Variants in SLC2A2 observed in about 807,000 individuals in gnomAD.
SLC2A2 encodes solute carrier family 2, facilitated glucose transporter member 2.
Under a neutral mutation model 54.5 loss-of-function variants are expected in SLC2A2, and 36 were observed. The observed-to-expected ratio is 0.66, with a 90% CI of 0.51 to 0.87. The LOEUF is 0.87. Ranked by LOEUF, SLC2A2 falls within the 40% of genes least tolerant of loss-of-function variation. SLC2A2 has a pLI of 0.00. For synonymous variants in SLC2A2, 223 were observed against 219.1 expected (o/e 1.02, Z -0.16); for missense variants, 543 against 624.3 (o/e 0.87, Z 1.39).
At chr3:171,015,401 G>A (rs777530533) in intron 2 of SLC2A2, among the ~76,000 whole-genome samples, 2 of 152,126 alleles carry the variant, frequency 1.3e-5, no homozygotes, top group Non-Finnish European at 2.9e-5. Flanking sequence ...GAGCCTGCGA[G>A]GTTGAGGCTG....
chr3:171,003,805 T>C (rs1327458261), intron 7 of SLC2A2, among the ~76,000 whole-genome samples: 1 of 152,022 alleles, frequency 6.6e-6, no homozygotes, highest in African/African-American at 2.4e-5. Context: ...GACCATGGTG[T>C]AGGCATGTGC....
intron 4 of SLC2A2, among the ~76,000 whole-genome samples, chr3:171,009,255 G>T (rs900896970): frequency 1.3e-5 from 2 of 152,110 alleles, no homozygotes; most frequent in Admixed American, 6.6e-5. Context: ...CCAAGAACTA[G>T]CGATTCCCAC....
intron 1 of SLC2A2, among the ~76,000 whole-genome samples, chr3:171,022,374 T>G (rs2108265905): frequency 6.6e-6 from 1 of 152,334 alleles, no homozygotes; most frequent in Non-Finnish European, 1.5e-5. Context: ...TGTGGGTGTT[T>G]AGCTGTTTGG....
At position 171,010,024 on chromosome 3, in the gene SLC2A2, A is replaced by ACCCC; in HGVS notation, c.426_429dup (p.Phe144GlyfsTer36). The stretch of plus-strand genomic sequence containing the variant: ...ATATGAGATGGTCCCAATTTTGAAA[A>ACCCC]CCCCATCAAGAGAGCTCCAACTAAT... On this transcript the variant is annotated frameshift_variant, in exon 4 of 11. Transcript: ENST00000314251. LOFTEE classifies it high-confidence loss of function. 1 of 1,612,008 alleles carries ACCCC rather than the reference A, an allele frequency of 6.2e-7. No individual in the cohort carries two copies. The highest frequency in any genetic ancestry group is 8.5e-7 in the Non-Finnish European group (1 of 1,179,202).
intron 2 of SLC2A2, among the ~76,000 whole-genome samples, chr3:171,016,214 C>T (rs1479952015): frequency 6.6e-6 from 1 of 152,186 alleles, no homozygotes; most frequent in African/African-American, 2.4e-5. Flanking sequence ...GTGGGCAGAT[C>T]ACTTGAGGTC....
At chr3:170,998,768 T>C (rs1342616857) in intron 9 of SLC2A2, among the ~76,000 whole-genome samples, 1 of 152,168 alleles carries the variant, frequency 6.6e-6, no homozygotes, top group East Asian at 1.9e-4. Context: ...GGAAGCCATG[T>C]GGCAGAGTCA....
At chr3:171,026,416 A>AT (rs1322264722) in intron 1 of SLC2A2, among the ~76,000 whole-genome samples, 2 of 122,606 alleles carry the variant, frequency 1.6e-5, no homozygotes, top group East Asian at 4.9e-4. Flanking sequence ...TTTCTTTAGT[A>AT]ATATGGTTAT....
intron 9 of SLC2A2, 28 bp from the exon 10 acceptor site, chr3:170,998,424 G>T (rs1715197371): frequency 1.3e-6 from 2 of 1,585,454 alleles, no homozygotes; most frequent in South Asian, 2.2e-5. Flanking sequence ...AACAATAGTG[G>T]GACTGAGATC....
chr3:171,012,472 A>G (rs1286148419), intron 3 of SLC2A2, among the ~76,000 whole-genome samples: 1 of 152,206 alleles, frequency 6.6e-6, no homozygotes. Flanking sequence ...TGCACAGACC[A>G]TAGTCTTCTC....
chr3:171,015,304 A>G (rs1451267877), intron 2 of SLC2A2, among the ~76,000 whole-genome samples: 1 of 152,070 alleles, frequency 6.6e-6, no homozygotes, highest in Non-Finnish European at 1.5e-5. Flanking sequence ...CCCTGTCTCT[A>G]CGAAGAATAC....
intron 2 of SLC2A2, among the ~76,000 whole-genome samples, chr3:171,014,983 TA>T (rs1183097193): frequency 6.6e-6 from 1 of 152,172 alleles, no homozygotes. Context: ...ACTAGGGGAC[TA>T]AAATACATTT....
At chr3:171,019,217 C>T (rs912043626) in intron 1 of SLC2A2, among the ~76,000 whole-genome samples, 1 of 149,146 alleles carries the variant, frequency 6.7e-6, no homozygotes, top group Non-Finnish European at 1.5e-5. Flanking sequence ...GGAAGGGAGC[C>T]GCCAAGATAG....
chr3:170,999,087 A>G lies in SLC2A2; in HGVS notation c.1148T>C (p.Met383Thr), dbSNP rs765728439. Reference sequence around the variant, plus strand: ...TACCAGCAGCACAAGTCCCACTGACATGAAGATGGCACAAACAAACATCCC... The same window carrying G: ...TACCAGCAGCACAAGTCCCACTGACGTGAAGATGGCACAAACAAACATCCC... ...MSGMFVCAIF[M>T]SVGLVLLNKF... The change falls in exon 9 of 11, where the codon ATG becomes ACG. Residue 383 changes from methionine to threonine, a missense_variant. Physicochemically the swap from Met to Thr is moderately conservative, Grantham distance 81. Around this residue, in one of 3 missense-constraint regions of SLC2A2, gnomAD observed 117 missense variants for 179.2 expected, o/e 0.65. Coordinates refer to ENST00000314251, the MANE Select transcript of SLC2A2 (RefSeq NM_000340.2). 2 of 1,612,800 alleles carry G rather than the reference A, an allele frequency of 1.2e-6. No individual in the cohort carries two copies. The highest frequency in any genetic ancestry group is 1.7e-6 in the Non-Finnish European group (2 of 1,178,986).
At chr3:171,012,273 G>C (rs796323281) in intron 3 of SLC2A2, among the ~76,000 whole-genome samples, 1 of 152,178 alleles carries the variant, frequency 6.6e-6, no homozygotes, top group Non-Finnish European at 1.5e-5. Context: ...GCAGATGGGA[G>C]GAAAACGTCT....
intron 2 of SLC2A2, among the ~76,000 whole-genome samples, chr3:171,016,739 G>A (rs1716169529): frequency 6.6e-6 from 1 of 152,142 alleles, no homozygotes; most frequent in Admixed American, 6.5e-5. Context: ...CACTAACCTG[G>A]ACGCCAGTAT....
intron 1 of SLC2A2, among the ~76,000 whole-genome samples, chr3:171,019,527 A>G (rs1394343258): frequency 6.6e-6 from 1 of 152,156 alleles, no homozygotes; most frequent in Non-Finnish European, 1.5e-5. Flanking sequence ...TACATGTCTA[A>G]CTATCTTAGA....
At chr3:171,007,338 G>GTA in intron 4 of SLC2A2, 75 bp from the exon 5 acceptor site, 2 of 863,950 alleles carry the variant, frequency 2.3e-6, no homozygotes, top group Non-Finnish European at 3.9e-6. Flanking sequence ...TTTAAGTACA[G>GTA]TATATATCTT....
At chr3:171,015,816 C>CT (rs1264791724) in intron 2 of SLC2A2, among the ~76,000 whole-genome samples, 1 of 152,142 alleles carries the variant, frequency 6.6e-6, no homozygotes, top group Non-Finnish European at 1.5e-5. Flanking sequence ...GAAGTTTCTC[C>CT]TGTGGGTCCT....
Position 171,018,604 on chromosome 3 carries a change from A to G in SLC2A2, c.35T>C (p.Phe12Ser). 1 of 1,613,998 alleles carries G rather than the reference A, an allele frequency of 6.2e-7. No individual in the cohort carries two copies. Among genetic ancestry groups the G allele is most frequent in the Non-Finnish European group, 8.5e-7 (1 of 1,179,852 alleles). Reference protein sequence around the residue: ...TEDKVTGTLVFTVITAVLGSF... With the variant: ...TEDKVTGTLVSTVITAVLGSF... The stretch of plus-strand genomic sequence containing the variant: ...ACCCAGCACAGCAGTGATGACAGTG[A>G]AAACCAGGGTCCCAGTGACCTGCAG... The change falls in exon 2 of 11, where the codon TTC becomes TCC. Residue 12 changes from phenylalanine to serine, a missense_variant. Around this residue, in one of 3 missense-constraint regions of SLC2A2, gnomAD observed 318 missense variants for 343.8 expected, o/e 0.93. Coordinates refer to ENST00000314251, the MANE Select transcript of SLC2A2 (RefSeq NM_000340.2).
Sources: gnomAD v4.1 joint callset for allele counts (sites outside exome capture counted in the v4.1 genomes callset) on GRCh38, gnomAD v4.1.1 for gene constraint, gnomAD v4.1.1 regional missense constraint, MANE v1.5 for transcripts, NCBI Gene and HGNC (gene_info 2026-07-23, HGNC 2026-07-21) for gene names.